Variants in VRK2 observed in about 807,000 individuals in gnomAD.
VRK2 encodes VRK serine/threonine kinase 2, also known as serine/threonine-protein kinase VRK2.
In VRK2, 60 loss-of-function variants were observed where a neutral mutation model predicts 57.6. The observed-to-expected ratio is 1.04, with a 90% CI of 0.85 to 1.29. The LOEUF (loss-of-function observed/expected upper bound fraction) is 1.29. Among genes scored for constraint, VRK2 ranks in the 50% most tolerant of loss-of-function variants. VRK2 has a pLI of 0.00. For synonymous variants in VRK2, 231 were observed against 199.2 expected, an observed-to-expected ratio of 1.16 and a Z score of -1.35; for missense variants, 705 against 588.1, an observed-to-expected ratio of 1.20 and a Z score of -2.06.
rs575408588 is a variant in VRK2, at chr2:57,980,244, A to G, written c.-438-45421A>G. Among the ~76,000 whole-genome samples, 168 of 152,180 alleles carry G rather than the reference A, an allele frequency of 1.1e-3. 3 individuals are homozygous for G. Among genetic ancestry groups the G allele is most frequent in the African/African-American group, 3.8e-3 (159 of 41,542 alleles). On this transcript the variant is annotated intron_variant, in intron 1 of 15. Transcript: ENST00000417641. The stretch of plus-strand genomic sequence containing the variant: ...TTCTGGTATATTTATCTTTGTTTTC[A>G]TGAGTTTCAAAGAATTTTTTTTATT...
At chr2:58,114,447 C>CT (rs1345062837) in intron 7 of VRK2, among the ~76,000 whole-genome samples, 1 of 152,162 alleles carries the variant, frequency 6.6e-6, no homozygotes, top group Non-Finnish European at 1.5e-5. Flanking sequence ...GGGGCACAGT[C>CT]TAAGTTGGTC....
Position 58,099,609 on chromosome 2 carries a change from G to A in VRK2, c.543+9886G>A, listed in dbSNP as rs115990485. On this transcript the variant is annotated intron_variant, in intron 7 of 12. Coordinates refer to ENST00000340157, the MANE Select transcript of VRK2 (RefSeq NM_006296.7). ...CTCCTTGCCCCATTATGCTGCATGT[G>A]TTTCTGTTCTCAAGCTGCCTACTAG... 3.4e-3 allele frequency among the ~76,000 whole-genome samples: 515 copies of A among 152,130 alleles called. 7 individuals carry two copies. The highest frequency in any genetic ancestry group is 0.012 in the African/African-American group (491 of 41,530).
At chr2:57,999,676 T>C (rs1243647952) in intron 1 of VRK2, among the ~76,000 whole-genome samples, 1 of 152,212 alleles carries the variant, frequency 6.6e-6, no homozygotes, top group Non-Finnish European at 1.5e-5. Flanking sequence ...AAACCATCAG[T>C]TGTAGCAAGC....
chr2:58,156,180 T>A (rs1683811257), intron 12 of VRK2, among the ~76,000 whole-genome samples: 2 of 152,208 alleles, frequency 1.3e-5, no homozygotes, highest in Non-Finnish European at 2.9e-5. Flanking sequence ...GAATATGGAA[T>A]CTATTCTTTC....
intron 1 of VRK2, among the ~76,000 whole-genome samples, chr2:57,956,370 G>C (rs1379716514): frequency 6.6e-6 from 1 of 152,190 alleles, no homozygotes; most frequent in Non-Finnish European, 1.5e-5. Flanking sequence ...GAGTAACAGA[G>C]TGAGACCCTA....
At chr2:57,967,129 A>C (rs1277490903) in intron 1 of VRK2, among the ~76,000 whole-genome samples, 2 of 152,182 alleles carry the variant, frequency 1.3e-5, no homozygotes, top group East Asian at 3.8e-4. Flanking sequence ...CAAGAACAGA[A>C]AACCAAACAC....
intron 1 of VRK2, among the ~76,000 whole-genome samples, chr2:57,965,949 C>T (rs932613765): frequency 6.6e-6 from 1 of 152,174 alleles, no homozygotes; most frequent in Non-Finnish European, 1.5e-5. Flanking sequence ...CCAAGGCCTG[C>T]AATCTTTCAC....
chr2:58,083,235 A>G (rs1000036036), intron 2 of VRK2, among the ~76,000 whole-genome samples: 1 of 151,592 alleles, frequency 6.6e-6, no homozygotes, highest in Non-Finnish European at 1.5e-5. Flanking sequence ...TATTTTAGCT[A>G]TTTAAATGAG....
At chr2:58,084,242 T>A in intron 3 of VRK2, 104 bp downstream of exon 3, 1 of 1,182,622 alleles carries the variant, frequency 8.5e-7, no homozygotes, top group East Asian at 2.6e-5. Flanking sequence ...GCCTTATCAG[T>A]AAACCTAATG....
At chr2:57,934,440 T>C (rs915529196) in intron 1 of VRK2, among the ~76,000 whole-genome samples, 1 of 152,214 alleles carries the variant, frequency 6.6e-6, no homozygotes, top group Non-Finnish European at 1.5e-5. Flanking sequence ...TGACAAAAGA[T>C]AGACTTATGG....
chr2:57,984,943 T>C (rs1199627387), intron 1 of VRK2, among the ~76,000 whole-genome samples: 1 of 151,554 alleles, frequency 6.6e-6, no homozygotes, highest in South Asian at 2.1e-4. Flanking sequence ...TTTTAAAACA[T>C]AAAAATATAT....
chr2:57,990,648 T>C (rs1205935618), intron 1 of VRK2, among the ~76,000 whole-genome samples: 1 of 152,166 alleles, frequency 6.6e-6, no homozygotes, highest in Admixed American at 6.5e-5. Flanking sequence ...GAAGCAATCA[T>C]TCAATCAATT....
Position 58,146,371 on chromosome 2 carries a change from T to C in VRK2, c.1079T>C (p.Ile360Thr). The change falls in exon 12 of 13, where the codon ATC becomes ACC. Residue 360 changes from isoleucine (I) to threonine (T), a missense_variant. Ile to Thr is a moderately conservative substitution (Grantham distance 89). Coordinates refer to ENST00000340157, the MANE Select transcript of VRK2 (RefSeq NM_006296.7). Reference protein sequence around the residue: ...KQVNKAHNRLIEKKVHSERSA... With the variant: ...KQVNKAHNRLTEKKVHSERSA... ...GTCAACAAGGCACACAATAGGTTAA[T>C]CGAAAAAAAAGTCCACAGTGAGAGA... 1 of 1,611,424 alleles carries C rather than the reference T, an allele frequency of 6.2e-7. No individual in the cohort carries two copies.
Position 58,145,479 on chromosome 2 carries a change from T to C in VRK2, c.1024-837T>C, listed in dbSNP as rs560573764. 4.6e-5 allele frequency among the ~76,000 whole-genome samples: 7 copies of C among 152,098 alleles called. No homozygotes were observed. In the South Asian group the frequency reaches 1.0e-3, roughly 23 times the overall value. On this transcript the variant is annotated intron_variant, in intron 11 of 12. Coordinates refer to ENST00000340157, the MANE Select transcript of VRK2 (RefSeq NM_006296.7). The stretch of plus-strand genomic sequence containing the variant: ...AATAAGAATTTAAACTACAAAGATA[T>C]ACTGGATACACTCCCAGCAAAGGTT...
intron 12 of VRK2, among the ~76,000 whole-genome samples, chr2:58,153,868 T>C (rs1384402047): frequency 6.6e-6 from 1 of 152,110 alleles, no homozygotes; most frequent in African/African-American, 2.4e-5. Flanking sequence ...ATTCAATTTC[T>C]TTAGTAAGAC....
At chr2:57,957,485 G>A (rs953612232) in intron 1 of VRK2, among the ~76,000 whole-genome samples, 9 of 151,396 alleles carry the variant, frequency 5.9e-5, no homozygotes, top group African/African-American at 2.2e-4. Flanking sequence ...AATAAAGTGA[G>A]GACTGTAGAG....
At chr2:58,105,893 C>G (rs1395510571) in intron 7 of VRK2, among the ~76,000 whole-genome samples, 4 of 151,838 alleles carry the variant, frequency 2.6e-5, no homozygotes, top group Non-Finnish European at 5.9e-5. Context: ...GTAGACACAG[C>G]CTATGTATGT....
At chr2:57,934,341 G>T (rs182623428) in intron 1 of VRK2, among the ~76,000 whole-genome samples, 25 of 152,266 alleles carry the variant, frequency 1.6e-4, no homozygotes, top group Admixed American at 1.6e-3. Context: ...CCCTCCAGGT[G>T]ATGTCTGTTA....
chr2:58,102,461 C>G (rs1484162264), intron 7 of VRK2, among the ~76,000 whole-genome samples: 2 of 141,672 alleles, frequency 1.4e-5, no homozygotes, highest in Non-Finnish European at 3.1e-5. Context: ...ATGCTTGTAT[C>G]AGATAAAACA....
Sources: allele counts gnomAD v4.1 joint callset (sites outside exome capture counted in the v4.1 genomes callset), GRCh38; gene constraint gnomAD v4.1.1; transcripts MANE v1.5; gene names NCBI Gene and HGNC (gene_info 2026-07-23, HGNC 2026-07-21).